The following IDO2 variants were observed in gnomAD, a reference collection of about 807,000 sequenced individuals.
The protein encoded by IDO2 is indoleamine 2,3-dioxygenase 2.
Under a neutral mutation model 45.1 loss-of-function variants are expected in IDO2, and 46 were observed. The observed-to-expected ratio is 1.02, with a 90% CI of 0.80 to 1.30. IDO2 has a LOEUF of 1.30. Ranked by LOEUF, IDO2 falls within the 50% of genes most tolerant of loss-of-function variation. The pLI is 0.00. For synonymous variants in IDO2, 218 were observed against 184.9 expected (o/e 1.18, Z -1.45); for missense variants, 544 against 491.8 (o/e 1.11, Z -1.00).
At chr8:40,006,337 A>G (rs1442282313) in intron 9 of IDO2, among the ~76,000 whole-genome samples, 1 of 152,204 alleles carries the variant, frequency 6.6e-6, no homozygotes, top group East Asian at 1.9e-4. Flanking sequence ...ATTTTGCCCA[A>G]CTGTGGGCTA....
exon 8 of IDO2, chr8:39,989,741 T>C (rs769647010): frequency 3.8e-6 from 6 of 1,596,918 alleles, no homozygotes; most frequent in Non-Finnish European, 5.1e-6. Flanking sequence ...AGGCCACGAA[T>C]GCTATCTTGC....
chr8:39,979,354 A>T (rs552184760), intron 4 of IDO2, among the ~76,000 whole-genome samples, 168 bp downstream of exon 4: 30 of 136,878 alleles, frequency 2.2e-4, no homozygotes, highest in Admixed American at 2.9e-4. Context: ...ATTTATTATT[A>T]TTATTTTTTT....
intron 2 of IDO2, among the ~76,000 whole-genome samples, chr8:39,956,540 G>A (rs1238351780): frequency 2.0e-5 from 3 of 151,860 alleles, no homozygotes; most frequent in South Asian, 2.1e-4. Context: ...ATGAATTTTT[G>A]CAATTTCCCA....
intron 1 of IDO2, among the ~76,000 whole-genome samples, chr8:39,945,887 C>A (rs986396257): frequency 1.3e-5 from 2 of 152,210 alleles, no homozygotes; most frequent in African/African-American, 4.8e-5. Context: ...TGTCCTTATT[C>A]ATTCCCGGGC....
chr8:39,987,283 C>T (rs1808440580), intron 6 of IDO2: 1 of 152,204 alleles, frequency 6.6e-6, no homozygotes, highest in South Asian at 2.1e-4. Context: ...CCTGGTAAGC[C>T]TAAGGATCTC....
At chr8:39,960,004 G>A (rs926777691) in intron 2 of IDO2, among the ~76,000 whole-genome samples, 1 of 152,118 alleles carries the variant, frequency 6.6e-6, no homozygotes, top group Non-Finnish European at 1.5e-5. Context: ...CAGAGATTGT[G>A]AGTAGGATGT....
intron 8 of IDO2, among the ~76,000 whole-genome samples, chr8:39,991,316 C>G (rs919864992): frequency 6.6e-6 from 1 of 152,124 alleles, no homozygotes; most frequent in Non-Finnish European, 1.5e-5. Flanking sequence ...TGTATGGTGG[C>G]TTTGCCAAGC....
exon 11 of IDO2, chr8:40,015,840 C>T: frequency 2.2e-6 from 1 of 458,256 alleles, no homozygotes; most frequent in Non-Finnish European, 3.8e-6. Flanking sequence ...ATAATGGATA[C>T]TTCCTCATGC....
chr8:39,979,133 A>T (rs761370675), exon 4 of IDO2: 21 of 1,603,342 alleles, frequency 1.3e-5, no homozygotes, highest in Non-Finnish European at 1.8e-5. Flanking sequence ...CCTGGTCCTG[A>T]GCTTCCTCAC....
chr8:39,943,717 G>T (rs867474418), intron 1 of IDO2, among the ~76,000 whole-genome samples: 1 of 133,206 alleles, frequency 7.5e-6, no homozygotes, highest in Non-Finnish European at 1.5e-5. Flanking sequence ...CAGCCTGGGC[G>T]ACAGCGAGAC....
At chr8:40,004,553 A>AGATAGATAGATAGATAGATAGAT (rs1563441324) in intron 8 of IDO2, among the ~76,000 whole-genome samples, 6 of 151,934 alleles carry the variant, frequency 3.9e-5, no homozygotes, top group Non-Finnish European at 5.9e-5. Flanking sequence ...ATAGATAGAT[A>AGATAGATAGATAGATAGATAGAT]GATAGATAGA....
At chr8:40,015,334 A>G in exon 11 of IDO2, 1 of 1,613,850 alleles carries the variant, frequency 6.2e-7, no homozygotes, top group Non-Finnish European at 8.5e-7. Context: ...TCCCTGAGGG[A>G]CTACATCCTG....
chr8:40,011,287 C>G (rs1357381498), intron 9 of IDO2, among the ~76,000 whole-genome samples: 1 of 152,192 alleles, frequency 6.6e-6, no homozygotes, highest in Non-Finnish European at 1.5e-5. Context: ...AGTCCACGGA[C>G]TGACCCTTTG....
intron 2 of IDO2, among the ~76,000 whole-genome samples, chr8:39,952,774 T>C (rs1450562002): frequency 1.4e-5 from 2 of 145,430 alleles, no homozygotes; most frequent in African/African-American, 2.6e-5. Context: ...GCTCTGGAGT[T>C]CAGATTTTTT....
At chr8:40,010,614 GA>G (rs1467928414) in intron 9 of IDO2, among the ~76,000 whole-genome samples, 1 of 152,160 alleles carries the variant, frequency 6.6e-6, no homozygotes, top group African/African-American at 2.4e-5. Flanking sequence ...TAAAGGTGTT[GA>G]GAAATGGTCA....
chr8:39,962,469 C>T lies in IDO2; in HGVS notation c.100-1139C>T, dbSNP rs189889641. ...AGGGAAAATTCATATATTCTACACA[C>T]AGCACATTTCATGTAACTTTCTAGG... is the stretch of plus-strand genomic sequence containing the variant. On this transcript the variant is annotated intron_variant, in intron 2 of 10. Transcript: ENST00000502986. Among the ~76,000 whole-genome samples, 230 of 152,302 alleles carry T rather than the reference C, an allele frequency of 1.5e-3. 2 individuals carry two copies. The highest frequency in any genetic ancestry group is 5.4e-3 in the African/African-American group (224 of 41,560).
chr8:39,998,638 C>CTTTTTTT (rs35313305), intron 8 of IDO2: 8 of 116,028 alleles, frequency 6.9e-5, no homozygotes, highest in South Asian at 2.7e-4. Flanking sequence ...TTTTCTTCTT[C>CTTTTTTT]TTTTTTTTTT....
Position 39,993,804 on chromosome 8 carries a change from C to T in IDO2, c.667+3966C>T, listed in dbSNP as rs551248325. On this transcript the variant is annotated intron_variant, in intron 8 of 10. Coordinates refer to ENST00000502986, the Ensembl canonical transcript of IDO2. ...GCGGGTGGATCACATGAGGTCAGTC[C>T]GAGGGCAGGGTAGCCAACGTGGTGA... is the stretch of plus-strand genomic sequence containing the variant. 9.7e-4 allele frequency among the ~76,000 whole-genome samples: 148 copies of T among 152,090 alleles called. 2 individuals carry two copies. The highest frequency in any genetic ancestry group is 3.3e-3 in the South Asian group (16 of 4,812).
In IDO2 at chr8:39,958,751, C is replaced by A. The variant is rs115716432; in HGVS notation, c.100-4857C>A. On this transcript the variant is annotated intron_variant, in intron 2 of 10. Transcript: ENST00000502986. ...CAGGTGTGAGCCACTGGGCCTGGCA[C>A]CTGGTTTATTTTTGTGCATGCTTTT... Among the ~76,000 whole-genome samples the A allele has an allele frequency of 5.1e-3, 773 of 151,926 alleles. 5 individuals are homozygous for A. Among genetic ancestry groups the A allele is most frequent in the African/African-American group, 0.018 (754 of 41,428 alleles).
Sources: gnomAD v4.1 joint callset for allele counts (sites outside exome capture counted in the v4.1 genomes callset) on GRCh38, gnomAD v4.1.1 for gene constraint, MANE v1.5 for transcripts, NCBI Gene and HGNC (gene_info 2026-07-23, HGNC 2026-07-21) for gene names.